Variants in EYA1 observed in about 807,000 individuals in gnomAD.
The protein encoded by EYA1 is protein phosphatase EYA1.
EYA1 carries 16 observed loss-of-function variants against 82.0 expected under a neutral mutation model. That is an observed-to-expected ratio of 0.20 (90% CI 0.13 to 0.30). EYA1 has a LOEUF of 0.30. Ranked by LOEUF, EYA1 falls within the 10% of genes least tolerant of loss-of-function variation. EYA1 has a pLI of 1.00. For synonymous variants in EYA1, 261 were observed against 264.4 expected, an observed-to-expected ratio of 0.99 and a Z score of 0.12; for missense variants, 633 against 730.7, an observed-to-expected ratio of 0.87 and a Z score of 1.54.
chr8:71,479,899 T>A (rs1188147085), intron 2 of EYA1, among the ~76,000 whole-genome samples: 1 of 152,188 alleles, frequency 6.6e-6, no homozygotes, highest in Non-Finnish European at 1.5e-5. Flanking sequence ...GTTTATTATG[T>A]AATGGTCTGC....
At chr8:71,367,492 T>C (rs1455331588) in intron 2 of EYA1, among the ~76,000 whole-genome samples, 2 of 150,668 alleles carry the variant, frequency 1.3e-5, no homozygotes, top group African/African-American at 4.9e-5. Flanking sequence ...TAATAACCTA[T>C]AGAATTTTTT....
At chr8:71,299,311 GT>G in intron 8 of EYA1, 78 bp from the exon 9 acceptor site, 1 of 1,448,130 alleles carries the variant, frequency 6.9e-7, no homozygotes, top group Non-Finnish European at 9.7e-7. Context: ...GTAACTGTAA[GT>G]ATGTTTGGGT....
At chr8:71,495,298 T>A (rs969611917) in intron 2 of EYA1, among the ~76,000 whole-genome samples, 1 of 152,214 alleles carries the variant, frequency 6.6e-6, no homozygotes, top group Non-Finnish European at 1.5e-5. Context: ...TCTAATTTGA[T>A]GTGAAATTCA....
intron 1 of EYA1, among the ~76,000 whole-genome samples, chr8:71,541,746 A>T (rs1815154092): frequency 6.6e-6 from 1 of 152,200 alleles, no homozygotes; most frequent in Non-Finnish European, 1.5e-5. Context: ...ATCAAAAGAA[A>T]ATCATTTAAA....
intron 2 of EYA1, among the ~76,000 whole-genome samples, chr8:71,458,941 A>G (rs1440719831): frequency 1.3e-5 from 2 of 152,174 alleles, no homozygotes; most frequent in East Asian, 1.9e-4. Flanking sequence ...TACATACTAA[A>G]GAGGGCAGGA....
At chr8:71,266,485 C>T (rs1378439200) in intron 11 of EYA1, among the ~76,000 whole-genome samples, 2 of 152,114 alleles carry the variant, frequency 1.3e-5, no homozygotes, top group Non-Finnish European at 1.5e-5. Flanking sequence ...AGTAGACTTC[C>T]TTGCATGCTT....
At chr8:71,465,753 CGTGTTG>C (rs1554590782) in intron 2 of EYA1, among the ~76,000 whole-genome samples, 2 of 152,064 alleles carry the variant, frequency 1.3e-5, no homozygotes, top group Non-Finnish European at 2.9e-5. Context: ...CTCCAAAATT[CGTGTTG>C]AAATTTAATT....
At chr8:71,358,345 A>C (rs762318906) in intron 1 of EYA1, among the ~76,000 whole-genome samples, 99 of 152,216 alleles carry the variant, frequency 6.5e-4, no homozygotes, top group African/African-American at 2.3e-3. Flanking sequence ...GTTCAACTAG[A>C]CTCTACTGTA....
At chr8:71,486,495 G>A (rs1002267324) in intron 2 of EYA1, among the ~76,000 whole-genome samples, 4 of 152,192 alleles carry the variant, frequency 2.6e-5, no homozygotes, top group Admixed American at 6.5e-5. Context: ...CTGCCCAGTC[G>A]TGCCTCCTCT....
chr8:71,291,169 C>A (rs527347437), intron 9 of EYA1, among the ~76,000 whole-genome samples: 1 of 152,100 alleles, frequency 6.6e-6, no homozygotes, highest in African/African-American at 2.4e-5. Context: ...CAAGTACAGA[C>A]GAGACTCAAA....
intron 8 of EYA1, 97 bp from the exon 9 acceptor site, chr8:71,299,330 C>G: frequency 7.7e-7 from 1 of 1,302,914 alleles, no homozygotes; most frequent in Non-Finnish European, 1.1e-6. Context: ...GGTTTCTGAG[C>G]CTTTTCTGAA....
intron 10 of EYA1, 75 bp downstream of exon 10, chr8:71,271,683 C>T (rs990043151): frequency 1.7e-5 from 26 of 1,534,170 alleles, no homozygotes; most frequent in East Asian, 9.0e-5. Context: ...CTGCTGTTTA[C>T]GTAGCAGGTA....
intron 2 of EYA1, among the ~76,000 whole-genome samples, chr8:71,476,509 T>G (rs1394599659): frequency 6.6e-6 from 1 of 152,064 alleles, no homozygotes; most frequent in Non-Finnish European, 1.5e-5. Context: ...AGGAGTAAAT[T>G]CAACCAAGGA....
chr8:71,404,955 A>G, intron 2 of EYA1: 1 of 151,648 alleles, frequency 6.6e-6, no homozygotes, highest in Non-Finnish European at 1.5e-5. Flanking sequence ...TCAGAAATAT[A>G]CAAAAGGAAG....
At chr8:71,438,859 G>A (rs1352797443) in intron 2 of EYA1, among the ~76,000 whole-genome samples, 1 of 152,134 alleles carries the variant, frequency 6.6e-6, no homozygotes, top group Non-Finnish European at 1.5e-5. Context: ...ATCTGTGTAC[G>A]GAGGTTTGGA....
chr8:71,346,322 A>ATATT, intron 3 of EYA1, among the ~76,000 whole-genome samples: 1 of 151,562 alleles, frequency 6.6e-6, no homozygotes, highest in Non-Finnish European at 1.5e-5. Context: ...ATCACTTAAT[A>ATATT]AACAGCTCTC....
intron 2 of EYA1, among the ~76,000 whole-genome samples, chr8:71,504,901 A>C (rs1363125164): frequency 6.6e-6 from 1 of 152,152 alleles, no homozygotes; most frequent in African/African-American, 2.4e-5. Context: ...TCCCGGGCTC[A>C]AGTGATTCTC....
intron 2 of EYA1, among the ~76,000 whole-genome samples, chr8:71,474,327 A>G (rs1186458658): frequency 6.6e-6 from 1 of 152,144 alleles, no homozygotes; most frequent in African/African-American, 2.4e-5. Flanking sequence ...TACCTTCCAG[A>G]TGAGCACACA....
At chr8:71,546,320 A>G (rs1449437091) in intron 1 of EYA1, among the ~76,000 whole-genome samples, 1 of 152,146 alleles carries the variant, frequency 6.6e-6, no homozygotes, top group Non-Finnish European at 1.5e-5. Context: ...GGTACAATGC[A>G]CATTTTCCAA....
Sources: allele counts gnomAD v4.1 joint callset (sites outside exome capture counted in the v4.1 genomes callset), GRCh38; gene constraint gnomAD v4.1.1; transcripts MANE v1.5; gene names NCBI Gene and HGNC (gene_info 2026-07-23, HGNC 2026-07-21).